Variants in FRMD3 observed in about 807,000 individuals in gnomAD.
The protein encoded by FRMD3 is FERM domain-containing protein 3.
In FRMD3, 33 loss-of-function variants were observed where a neutral mutation model predicts 70.2. The observed-to-expected ratio is 0.47, with a 90% CI of 0.36 to 0.63. The LOEUF (loss-of-function observed/expected upper bound fraction) is 0.63. FRMD3 is among the 20% of genes least tolerant of loss of function. The pLI, the probability that FRMD3 is intolerant of heterozygous loss-of-function variation, is 0.00. For synonymous variants in FRMD3, 279 were observed against 255.9 expected (o/e 1.09, Z -0.86); for missense variants, 632 against 711.4 (o/e 0.89, Z 1.27).
At chr9:83,577,017 T>G in the FRMD3 span, among the ~76,000 whole-genome samples, 1 of 152,070 alleles carries the variant, frequency 6.6e-6, no homozygotes, top group Non-Finnish European at 1.5e-5. Context: ...ATAAAATACT[T>G]CTTTTTAAAA....
At chr9:83,514,567 A>G (rs1038511919) in intron 1 of FRMD3, among the ~76,000 whole-genome samples, 1 of 152,110 alleles carries the variant, frequency 6.6e-6, no homozygotes, top group Admixed American at 6.5e-5. Context: ...CAGCCTGCCA[A>G]CTCTGAAGAG....
downstream of FRMD3, chr9:83,243,082 G>A (rs976348053): frequency 2.1e-5 from 19 of 917,688 alleles, no homozygotes; most frequent in Middle Eastern, 3.1e-4. Flanking sequence ...GTGAAGTGAC[G>A]GCTGCCGAGC....
intron 6 of FRMD3, among the ~76,000 whole-genome samples, chr9:83,332,730 G>T (rs968779896): frequency 2.0e-5 from 3 of 152,168 alleles, no homozygotes; most frequent in African/African-American, 7.2e-5. Flanking sequence ...GAAGAAGGAG[G>T]TTATTTATTG....
chr9:83,403,127 C>G (rs1826000595), intron 1 of FRMD3, among the ~76,000 whole-genome samples: 1 of 152,018 alleles, frequency 6.6e-6, no homozygotes. Context: ...TGGTCTCGAA[C>G]TCCTGACCTC....
intron 6 of FRMD3, among the ~76,000 whole-genome samples, chr9:83,317,206 AC>A: frequency 6.6e-6 from 1 of 151,676 alleles, no homozygotes; most frequent in Non-Finnish European, 1.5e-5. Context: ...ACACACACAC[AC>A]ACACACACAC....
intron 6 of FRMD3, among the ~76,000 whole-genome samples, chr9:83,315,296 G>A (rs944167560): frequency 2.6e-5 from 4 of 152,106 alleles, no homozygotes; most frequent in Admixed American, 2.0e-4. Flanking sequence ...AGTGTTTGGT[G>A]ATTCCTGTTG....
chr9:83,309,346 TC>T (rs1835264433), intron 10 of FRMD3, among the ~76,000 whole-genome samples, 189 bp downstream of exon 10: 1 of 148,912 alleles, frequency 6.7e-6, no homozygotes, highest in Admixed American at 6.7e-5. Context: ...AACATAGAGC[TC>T]AGAACTCGGT....
intron 1 of FRMD3, among the ~76,000 whole-genome samples, chr9:83,520,970 CAAAAAAAAAAA>C (rs144061788): frequency 1.8e-5 from 1 of 56,126 alleles, no homozygotes; most frequent in Non-Finnish European, 3.4e-5. Flanking sequence ...ACTAAAAATA[CAAAAAAAAAAA>C]AAAAAAAAAA....
the FRMD3 span, among the ~76,000 whole-genome samples, chr9:83,578,387 T>C: frequency 9.2e-5 from 14 of 152,002 alleles, no homozygotes; most frequent in East Asian, 2.1e-3. Flanking sequence ...AGAAAAAAAC[T>C]ATAGGTCAAT....
intron 13 of FRMD3, among the ~76,000 whole-genome samples, chr9:83,278,869 A>G (rs373451452): frequency 6.6e-6 from 1 of 152,120 alleles, no homozygotes; most frequent in East Asian, 1.9e-4. Context: ...CAACAGAGAG[A>G]GCAAACTAAG....
At chr9:83,335,036 T>G (rs1823530135) in intron 6 of FRMD3, among the ~76,000 whole-genome samples, 1 of 149,166 alleles carries the variant, frequency 6.7e-6, no homozygotes, top group South Asian at 2.1e-4. Context: ...CAGCTATCAT[T>G]GAAGCATCGC....
chr9:83,313,143 A>T (rs1449244618), intron 7 of FRMD3, among the ~76,000 whole-genome samples: 3 of 152,314 alleles, frequency 2.0e-5, no homozygotes, highest in African/African-American at 7.2e-5. Flanking sequence ...GTACCCCCAG[A>T]ATTCTGATTT....
intron 13 of FRMD3, 139 bp from the exon 14 acceptor site, chr9:83,248,655 A>C: frequency 1.1e-6 from 1 of 946,772 alleles, no homozygotes; most frequent in Non-Finnish European, 1.5e-6. Context: ...AAGTTGTAAC[A>C]AAGTCGTATT....
At chr9:83,331,037 G>A (rs1024286165) in intron 6 of FRMD3, among the ~76,000 whole-genome samples, 2 of 152,220 alleles carry the variant, frequency 1.3e-5, no homozygotes, top group Non-Finnish European at 2.9e-5. Context: ...TTGGAAAATA[G>A]TGTGGTGGTT....
intron 3 of FRMD3, 91 bp from the exon 4 acceptor site, chr9:83,349,848 A>C (rs1427979095): frequency 3.1e-6 from 3 of 959,422 alleles, no homozygotes; most frequent in Non-Finnish European, 4.9e-6. Flanking sequence ...AGCCTGACAG[A>C]CTAGCCTGGG....
chr9:83,489,912 A>G (rs184957253), intron 1 of FRMD3, among the ~76,000 whole-genome samples: 164 of 152,340 alleles, frequency 1.1e-3, no homozygotes, highest in African/African-American at 3.9e-3. Flanking sequence ...CGAAGGTCAC[A>G]CACACTCAGT....
At chr9:83,446,168 G>A (rs1827454096) in intron 1 of FRMD3, among the ~76,000 whole-genome samples, 1 of 143,408 alleles carries the variant, frequency 7.0e-6, no homozygotes, top group South Asian at 2.4e-4. Context: ...TCGTGTGTAT[G>A]CAGCACAACA....
chr9:83,447,608 T>A (rs922716997), intron 1 of FRMD3, among the ~76,000 whole-genome samples: 2 of 152,116 alleles, frequency 1.3e-5, no homozygotes, highest in Non-Finnish European at 2.9e-5. Flanking sequence ...CGGCCACCGA[T>A]GACAGCCTGA....
chr9:83,303,847 A>G (rs149483522), intron 10 of FRMD3, among the ~76,000 whole-genome samples: 1 of 152,174 alleles, frequency 6.6e-6, no homozygotes, highest in African/African-American at 2.4e-5. Flanking sequence ...CATCACCTCC[A>G]AAAGAAACCA....
Sources: gnomAD v4.1 joint callset for allele counts (sites outside exome capture counted in the v4.1 genomes callset) on GRCh38, gnomAD v4.1.1 for gene constraint, MANE v1.5 for transcripts, NCBI Gene and HGNC (gene_info 2026-07-23, HGNC 2026-07-21) for gene names.